Variants in ZNF569 observed in about 807,000 individuals in gnomAD.
ZNF569 encodes the protein DNA-binding protein.
ZNF569 carries 38 observed loss-of-function variants against 56.3 expected under a neutral mutation model. The ratio of observed to expected loss-of-function variants is 0.68; its 90% CI spans 0.52 to 0.88. ZNF569 has a LOEUF of 0.88. Among genes scored for constraint, ZNF569 ranks in the 40% least tolerant of loss-of-function variants. The pLI, the probability that ZNF569 is intolerant of heterozygous loss-of-function variation, is 0.00. For synonymous variants in ZNF569, 241 were observed against 262.9 expected (o/e 0.92, Z 0.81); for missense variants, 666 against 809.2 (o/e 0.82, Z 2.15).
At chr19:37,437,487 T>C (rs1229210811) in intron 3 of ZNF569, among the ~76,000 whole-genome samples, 2 of 151,980 alleles carry the variant, frequency 1.3e-5, no homozygotes, top group Admixed American at 1.3e-4. Context: ...GCAAGAGAAA[T>C]CAGATAAGAG....
chr19:37,457,646 T>C (rs956756458), intron 2 of ZNF569, among the ~76,000 whole-genome samples: 11 of 142,174 alleles, frequency 7.7e-5, no homozygotes, highest in Middle Eastern at 3.8e-3. Context: ...ATGAGAACAC[T>C]TGGACACAGG....
intron 3 of ZNF569, among the ~76,000 whole-genome samples, chr19:37,443,138 G>A (rs1211023517): frequency 6.6e-6 from 1 of 152,206 alleles, no homozygotes; most frequent in Non-Finnish European, 1.5e-5. Flanking sequence ...CCCGAGGTCA[G>A]GAGTTGGAGA....
At chr19:37,449,198 ATG>A (rs1177221189) in intron 2 of ZNF569, among the ~76,000 whole-genome samples, 1 of 152,108 alleles carries the variant, frequency 6.6e-6, no homozygotes, top group African/African-American at 2.4e-5. Flanking sequence ...AATGACTTTT[ATG>A]TCTTTAAAAT....
At chr19:37,467,573 G>C (rs8106839), upstream of ZNF569, 81,721 of 388,980 alleles carry the variant, frequency 0.21, 10,382 homozygotes, top group African/African-American at 0.41. Context: ...CCGGCTCAGT[G>C]TGTTTAGTTC....
At chr19:37,432,820 CAA>C (rs915259193) in intron 3 of ZNF569, among the ~76,000 whole-genome samples, 1 of 148,496 alleles carries the variant, frequency 6.7e-6, no homozygotes, top group African/African-American at 2.5e-5. Flanking sequence ...ATAAATTTAA[CAA>C]AGAGACTGAA....
At chr19:37,451,965 T>C (rs2041601119) in intron 2 of ZNF569, among the ~76,000 whole-genome samples, 1 of 152,238 alleles carries the variant, frequency 6.6e-6, no homozygotes, top group Admixed American at 6.5e-5. Flanking sequence ...ATTGCTATTT[T>C]GTTAGTTGCT....
chr19:37,440,729 T>TA (rs2041390566), intron 3 of ZNF569, among the ~76,000 whole-genome samples: 1 of 152,064 alleles, frequency 6.6e-6, no homozygotes, highest in Non-Finnish European at 1.5e-5. Flanking sequence ...AGAGCTCCAA[T>TA]AAAGCACTAA....
chr19:37,466,164 T>C (rs1191154415), intron 1 of ZNF569, among the ~76,000 whole-genome samples: 1 of 152,206 alleles, frequency 6.6e-6, no homozygotes, highest in East Asian at 1.9e-4. Flanking sequence ...TGATTTTTGT[T>C]CTTCGAGCTT....
At chr19:37,440,582 A>G (rs1361180103) in intron 3 of ZNF569, among the ~76,000 whole-genome samples, 1 of 152,222 alleles carries the variant, frequency 6.6e-6, no homozygotes, top group Non-Finnish European at 1.5e-5. Context: ...TGTGAATTTC[A>G]GGTAAAAAAA....
At chr19:37,445,005 T>C (rs756599186) in intron 2 of ZNF569, 41 bp from the exon 3 acceptor site, 1 of 1,520,096 alleles carries the variant, frequency 6.6e-7, no homozygotes, top group Non-Finnish European at 8.9e-7. Flanking sequence ...GGCCTGTCTT[T>C]AGTTTCAGAA....
chr19:37,425,337 T>C (rs2041110462), intron 5 of ZNF569, among the ~76,000 whole-genome samples: 2 of 147,594 alleles, frequency 1.4e-5, no homozygotes, highest in Admixed American at 1.4e-4. Flanking sequence ...TTTTTTTTTT[T>C]TTTTGACAGA....
At chr19:37,464,285 G>A (rs2041798450) in intron 2 of ZNF569, among the ~76,000 whole-genome samples, 1 of 152,184 alleles carries the variant, frequency 6.6e-6, no homozygotes, top group African/African-American at 2.4e-5. Flanking sequence ...CGCCTCCCGG[G>A]TTCAAGCAAT....
Position 37,414,328 on chromosome 19 carries a change from T to C in ZNF569, c.330A>G (p.Glu110=). The C allele has an allele frequency of 6.2e-7, 1 of 1,613,512 alleles. No homozygotes were observed. Among genetic ancestry groups the C allele is most frequent in the South Asian group, 1.1e-5 (1 of 90,910 alleles). Residue 110 remains glutamate (E), a synonymous_variant, in exon 6 of 6, where the codon GAA becomes GAG. Coordinates refer to ENST00000316950, the MANE Select transcript of ZNF569 (RefSeq NM_152484.3). ...ATTTCTTTTGACATTCATTGCCTTTTTCTTCAGTCAGTGTTTTCTGGAATT... is the reference window on the plus strand; with the variant it reads ...ATTTCTTTTGACATTCATTGCCTTTCTCTTCAGTCAGTGTTTTCTGGAATT... ...EVKFQKTLTE[E]KGNECQKKFA...
intron 3 of ZNF569, among the ~76,000 whole-genome samples, chr19:37,433,475 G>A (rs2041258141): frequency 6.6e-6 from 1 of 152,114 alleles, no homozygotes; most frequent in South Asian, 2.1e-4. Context: ...CCTAGAGAAA[G>A]ATATTGATAT....
rs1401142212 is a variant in ZNF569 at position 37,426,279 on chromosome 19, C to A, written c.115G>T (p.Glu39Ter). The change falls in exon 4 of 6, where the codon GAA becomes TAA. Residue 39 changes from glutamate (E) to a stop codon, truncating the protein, a stop_gained. Transcript: ENST00000316950. LOFTEE classifies it high-confidence loss of function. ...ACTGTGATTAAGTTGTTATAGTTTT[C>A]TAGCATCACATTCCGGTACAGTTTT... The part of the protein sequence containing the change: ...QRKLYRNVML[E>*]NYNNLITVGY... 1 of 1,613,086 alleles carries A rather than the reference C, an allele frequency of 6.2e-7. No homozygotes were observed.
intron 3 of ZNF569, 30 bp downstream of exon 3, chr19:37,444,877 C>T (rs2041467338): frequency 6.3e-7 from 1 of 1,579,908 alleles, no homozygotes; most frequent in South Asian, 1.1e-5. Flanking sequence ...GAGAGTAAGG[C>T]AAGAAACAAA....
chr19:37,434,460 G>A (rs1046127099), intron 3 of ZNF569, among the ~76,000 whole-genome samples: 28 of 152,146 alleles, frequency 1.8e-4, no homozygotes, highest in Admixed American at 3.3e-4. Flanking sequence ...AGGCCGAGGC[G>A]GGCAGATCAC....
intron 2 of ZNF569, among the ~76,000 whole-genome samples, chr19:37,457,946 C>T (rs1478770992): frequency 6.6e-6 from 1 of 152,118 alleles, no homozygotes; most frequent in African/African-American, 2.4e-5. Context: ...GCATGGCTCG[C>T]TGCAGGCTTC....
chr19:37,449,506 C>A (rs1380733191), intron 2 of ZNF569, among the ~76,000 whole-genome samples: 1 of 152,094 alleles, frequency 6.6e-6, no homozygotes, highest in Non-Finnish European at 1.5e-5. Flanking sequence ...TCAGTTTTTG[C>A]CTCGTATATC....
Sources: gnomAD v4.1 joint callset for allele counts (sites outside exome capture counted in the v4.1 genomes callset) on GRCh38, gnomAD v4.1.1 for gene constraint, MANE v1.5 for transcripts, NCBI Gene and HGNC (gene_info 2026-07-23, HGNC 2026-07-21) for gene names.